Variants in CNDP1 observed in about 807,000 individuals in gnomAD.
CNDP1 encodes beta-Ala-His dipeptidase.
Under a neutral mutation model 58.1 loss-of-function variants are expected in CNDP1, and 44 were observed. The observed-to-expected ratio is 0.76, with a 90% CI of 0.60 to 0.97. The LOEUF (loss-of-function observed/expected upper bound fraction) is 0.97. Among genes scored for constraint, CNDP1 ranks in the 50% least tolerant of loss-of-function variants. The pLI, the probability that CNDP1 is intolerant of heterozygous loss-of-function variation, is 0.00. For synonymous variants in CNDP1, 254 were observed against 252.6 expected (o/e 1.01, Z -0.05); for missense variants, 616 against 655.1 (o/e 0.94, Z 0.65).
intron 1 of CNDP1, among the ~76,000 whole-genome samples, chr18:74,551,457 T>C (rs145764513): frequency 1.3e-5 from 2 of 151,146 alleles, no homozygotes; most frequent in East Asian, 3.9e-4. Flanking sequence ...CCCACTCAGA[T>C]GGTGAAGGCG....
intron 5 of CNDP1, among the ~76,000 whole-genome samples, chr18:74,564,343 C>G (rs1981275377): frequency 6.6e-6 from 1 of 152,174 alleles, no homozygotes; most frequent in East Asian, 1.9e-4. Flanking sequence ...AGATCAAAAC[C>G]AAATGGGGGA....
At chr18:74,567,209 T>A (rs1981351310) in intron 5 of CNDP1, 24 bp from the exon 6 acceptor site, 1 of 1,603,238 alleles carries the variant, frequency 6.2e-7, no homozygotes, top group South Asian at 1.1e-5. Flanking sequence ...ACTTGTGCAA[T>A]TTTTTTCTTC....
At chr18:74,563,906 A>C (rs1282061115) in intron 5 of CNDP1, among the ~76,000 whole-genome samples, 2 of 152,172 alleles carry the variant, frequency 1.3e-5, no homozygotes, top group African/African-American at 2.4e-5. Flanking sequence ...AATTCTTAGG[A>C]TTTCCAACTA....
chr18:74,556,378 G>A lies in CNDP1; in HGVS notation c.65G>A (p.Arg22His), dbSNP rs112094037. The change falls in exon 2 of 12, where the codon CGC becomes CAC. Residue 22 changes from arginine to histidine, a missense_variant. Arg to His is a conservative substitution (Grantham distance 29). Coordinates refer to ENST00000358821, the MANE Select transcript of CNDP1 (RefSeq NM_032649.6). ...GCTGTGCTGCTGCTGCTGCTGGAGCGCGGCATGTTCTCCTCACCCTCCCCG... is the reference window on the plus strand; with the variant it reads ...GCTGTGCTGCTGCTGCTGCTGGAGCACGGCATGTTCTCCTCACCCTCCCCG... ...LLAVLLLLLE[R>H]GMFSSPSPPP... 1,883 of 1,558,530 alleles carry A rather than the reference G, an allele frequency of 1.2e-3. 1 individual carries two copies. The highest frequency in any genetic ancestry group is 1.5e-3 in the Non-Finnish European group (1,741 of 1,132,658).
At chr18:74,553,064 T>G (rs547587261) in intron 1 of CNDP1, among the ~76,000 whole-genome samples, 2 of 152,378 alleles carry the variant, frequency 1.3e-5, no homozygotes, top group Admixed American at 6.5e-5. Context: ...ATGTGTTTAT[T>G]GGCCATTTGC....
intron 6 of CNDP1, among the ~76,000 whole-genome samples, chr18:74,570,333 C>A (rs534825300): frequency 6.6e-6 from 1 of 152,004 alleles, no homozygotes; most frequent in Admixed American, 6.6e-5. Flanking sequence ...TGGCTTGGCC[C>A]GGGTGGTCCA....
intron 5 of CNDP1, 21 bp from the exon 6 acceptor site, chr18:74,567,212 T>C: frequency 6.2e-7 from 1 of 1,607,502 alleles, no homozygotes; most frequent in Non-Finnish European, 8.5e-7. Context: ...TGTGCAATTT[T>C]TTTCTTCTGT....
intron 9 of CNDP1, among the ~76,000 whole-genome samples, chr18:74,578,736 G>T (rs1252082153): frequency 6.6e-6 from 1 of 152,218 alleles, no homozygotes; most frequent in South Asian, 2.1e-4. Flanking sequence ...TTGAAAGTTA[G>T]ATGGTAGATA....
At chr18:74,536,002 A>G (rs1980478009) in intron 1 of CNDP1, among the ~76,000 whole-genome samples, 1 of 152,228 alleles carries the variant, frequency 6.6e-6, no homozygotes, top group African/African-American at 2.4e-5. Flanking sequence ...ACTGCACTCC[A>G]GCCTGGGAGG....
intron 1 of CNDP1, among the ~76,000 whole-genome samples, chr18:74,551,233 C>T (rs1033364123): frequency 2.0e-5 from 3 of 151,966 alleles, no homozygotes; most frequent in African/African-American, 7.3e-5. Context: ...GCTTCCTGTA[C>T]AGCCTGCAGA....
chr18:74,582,048 C>G (rs1981803279), intron 10 of CNDP1, among the ~76,000 whole-genome samples: 1 of 152,222 alleles, frequency 6.6e-6, no homozygotes, highest in Non-Finnish European at 1.5e-5. Context: ...TTCTTTCCAT[C>G]ACCATTCCTG....
chr18:74,554,975 C>T (rs759690670), intron 1 of CNDP1, among the ~76,000 whole-genome samples: 4 of 152,030 alleles, frequency 2.6e-5, no homozygotes, highest in East Asian at 1.9e-4. Context: ...CCATGATGAG[C>T]GTCCTCTCAA....
In CNDP1 at chr18:74,578,179, A is replaced by C. The variant is rs750598021; in HGVS notation, c.1019A>C (p.His340Pro). 1 of 1,607,904 alleles carries C rather than the reference A, an allele frequency of 6.2e-7. No homozygotes were observed. The highest frequency in any genetic ancestry group is 8.5e-7 in the Non-Finnish European group (1 of 1,178,284). The change falls in exon 9 of 12, where the codon CAC becomes CCC. Residue 340 changes from histidine to proline, a missense_variant. By Grantham distance (77) the His-to-Pro change is moderately conservative. Transcript: ENST00000358821. ...LFDTKEEILM[H>P]LWRYPSLSIH... The stretch of plus-strand genomic sequence containing the variant: ...TTAATATAGGAGGAGATTCTAATGC[A>C]CCTCTGGAGGTACCCATCTCTTTCT...
chr18:74,540,461 C>T (rs1980591319), intron 1 of CNDP1, among the ~76,000 whole-genome samples: 1 of 152,186 alleles, frequency 6.6e-6, no homozygotes. Context: ...CGTCTGAACT[C>T]TGCCCTGAAT....
At chr18:74,537,128 C>G (rs1410802547) in intron 1 of CNDP1, among the ~76,000 whole-genome samples, 1 of 152,160 alleles carries the variant, frequency 6.6e-6, no homozygotes, top group Non-Finnish European at 1.5e-5. Context: ...TGCAGAAGCT[C>G]TTAAGTTTAA....
chr18:74,569,242 C>T (rs536901251), intron 6 of CNDP1, among the ~76,000 whole-genome samples: 43 of 152,136 alleles, frequency 2.8e-4, no homozygotes, highest in South Asian at 1.5e-3. Context: ...GTGACCATAC[C>T]GAAGATTGCT....
At chr18:74,542,234 T>G (rs1980643809) in intron 1 of CNDP1, among the ~76,000 whole-genome samples, 1 of 152,246 alleles carries the variant, frequency 6.6e-6, no homozygotes, top group African/African-American at 2.4e-5. Context: ...TGAGGTTTGC[T>G]TGTTGAGCTC....
rs78491213 is a variant in CNDP1, at chr18:74,580,211, C to T, written c.1249C>T (p.Pro417Ser). 2,083 of 1,613,966 alleles carry T rather than the reference C, an allele frequency of 1.3e-3. 25 individuals are homozygous for T. In the African/African-American group the frequency reaches 0.024, roughly 18 times the overall value. The change falls in exon 10 of 12, where the codon CCG (proline) becomes TCG (serine). Residue 417 changes from proline to serine, a missense_variant. By Grantham distance (74) the Pro-to-Ser change is moderately conservative (BLOSUM62 -1). Transcript: ENST00000358821. Reference protein sequence around the residue: ...MVVSMTLGLHPWIANIDDTQY... With the variant: ...MVVSMTLGLHSWIANIDDTQY... ...TGTTTCCATGACTCTAGGACTACAC[C>T]CGTGGATTGCAAATATTGATGACAC... is the stretch of plus-strand genomic sequence containing the variant.
intron 5 of CNDP1, among the ~76,000 whole-genome samples, chr18:74,563,199 T>A (rs183333037): frequency 1.3e-3 from 196 of 152,256 alleles, no homozygotes; most frequent in Admixed American, 0.013. Context: ...CTGACTTCAC[T>A]CCTGAGTCTC....
Sources: gnomAD v4.1 joint callset for allele counts (sites outside exome capture counted in the v4.1 genomes callset) on GRCh38, gnomAD v4.1.1 for gene constraint, MANE v1.5 for transcripts, NCBI Gene and HGNC (gene_info 2026-07-23, HGNC 2026-07-21) for gene names.